Variants in CMTM6 observed in about 807,000 individuals in gnomAD.
CMTM6 encodes the protein CKLF-like MARVEL transmembrane domain-containing protein 6.
CMTM6 carries 5 observed loss-of-function variants against 13.6 expected under a neutral mutation model. The observed-to-expected ratio is 0.37, with a 90% CI of 0.19 to 0.77. The LOEUF (loss-of-function observed/expected upper bound fraction) is 0.77. CMTM6 is among the 30% of genes least tolerant of loss of function. CMTM6 has a pLI of 0.50. For missense variants in CMTM6, 196 were observed against 218.6 expected, an observed-to-expected ratio of 0.90 and a Z score of 0.65; for synonymous variants, 99 against 84.5, an observed-to-expected ratio of 1.17 and a Z score of -0.94.
chr3:32,492,906 C>T (rs908688208), intron 1 of CMTM6, among the ~76,000 whole-genome samples: 4 of 152,210 alleles, frequency 2.6e-5, no homozygotes, highest in African/African-American at 9.6e-5. Flanking sequence ...CTACTACTTC[C>T]AGACTGATGT....
intron 2 of CMTM6, among the ~76,000 whole-genome samples, chr3:32,490,396 G>A (rs1183827982): frequency 6.6e-6 from 1 of 152,002 alleles, no homozygotes; most frequent in African/African-American, 2.4e-5. Flanking sequence ...TTGAAACCCT[G>A]CAAACAAACA....
intron 1 of CMTM6, among the ~76,000 whole-genome samples, chr3:32,500,422 A>T (rs1697334692): frequency 6.6e-6 from 1 of 152,250 alleles, no homozygotes; most frequent in African/African-American, 2.4e-5. Flanking sequence ...AAAACAAACA[A>T]AGGAACAAAA....
chr3:32,502,340 C>T (rs1202425145), intron 1 of CMTM6, among the ~76,000 whole-genome samples: 2 of 152,234 alleles, frequency 1.3e-5, no homozygotes, highest in Non-Finnish European at 2.9e-5. Context: ...TGACTTGGGT[C>T]TCCGACGCAT....
At position 32,483,888 on chromosome 3, in the gene CMTM6, A is replaced by G; in HGVS notation, c.*72T>C. ...GTTTAAACAATTAACAAATTTTACA[A>G]GAGCTTCTGCCAGGGCTCAGGCACC... On this transcript the variant is annotated 3_prime_UTR_variant, in exon 4 of 4. Coordinates refer to ENST00000205636, the MANE Select transcript of CMTM6 (RefSeq NM_017801.3). The G allele has an allele frequency of 7.4e-7, 1 of 1,358,008 alleles. No homozygotes were observed. Among genetic ancestry groups the G allele is most frequent in the Non-Finnish European group, 9.6e-7 (1 of 1,037,812 alleles). 84.1% of individuals were successfully genotyped at this position (1,358,008 alleles called of 1,614,324 possible).
rs1051481249 is a variant in CMTM6, at chr3:32,481,902, A to G, written c.*2058T>C. 2.0e-5 allele frequency: 3 copies of G among 152,260 alleles called. No individual in the cohort carries two copies. The highest frequency in any genetic ancestry group is 7.2e-5 in the African/African-American group (3 of 41,480). 9.4% of individuals were successfully genotyped at this position (152,260 alleles called of 1,614,324 possible). On this transcript the variant is annotated 3_prime_UTR_variant, in exon 4 of 4. Coordinates refer to ENST00000205636, the MANE Select transcript of CMTM6 (RefSeq NM_017801.3). ...TCAGAACAAGCGGAGCTTAAGCTCAATGACAGTATGTTTTATATGACAGGC... is the reference window on the plus strand; with the variant it reads ...TCAGAACAAGCGGAGCTTAAGCTCAGTGACAGTATGTTTTATATGACAGGC...
intron 1 of CMTM6, among the ~76,000 whole-genome samples, chr3:32,500,553 T>C (rs3773775): frequency 0.14 from 20,706 of 152,236 alleles, 2,083 homozygotes; most frequent in African/African-American, 0.28. Flanking sequence ...CATAAAGAGA[T>C]ATTAGTTTTT....
At position 32,502,702 on chromosome 3, in the gene CMTM6, G is replaced by A. The variant is rs749653928; in HGVS notation, c.44C>T (p.Pro15Leu). 8.2e-6 allele frequency: 13 copies of A among 1,583,300 alleles called. No homozygotes were observed. The highest frequency in any genetic ancestry group is 8.0e-5 in the South Asian group (7 of 87,234). Residue 15 changes from proline to leucine, a missense_variant, in exon 1 of 4, where the codon CCG (proline) becomes CTG (leucine). This residue lies in a region of CMTM6 where 85 missense variants were observed against 58.7 expected (regional missense o/e 1.45). Coordinates refer to ENST00000205636, the MANE Select transcript of CMTM6 (RefSeq NM_017801.3). Reference sequence around the variant, plus strand: ...GCTCCGGGGGCCTCTGGCGGGGCCCGGGTCCTCCTCCGTAGTGGGGCTGTA... The same window carrying A: ...GCTCCGGGGGCCTCTGGCGGGGCCCAGGTCCTCCTCCGTAGTGGGGCTGTA... ...AVYSPTTEED[P>L]GPARGPRSGL...
At chr3:32,486,877 C>G (rs1697210122) in intron 3 of CMTM6, among the ~76,000 whole-genome samples, 1 of 152,182 alleles carries the variant, frequency 6.6e-6, no homozygotes, top group Non-Finnish European at 1.5e-5. Context: ...CCTCCCCACT[C>G]TCTCTATTCC....
chr3:32,501,324 AGAG>A (rs1697343009), intron 1 of CMTM6, among the ~76,000 whole-genome samples: 1 of 152,178 alleles, frequency 6.6e-6, no homozygotes, highest in Non-Finnish European at 1.5e-5. Context: ...ACAGCTGACA[AGAG>A]AAGAGAAGGA....
At position 32,484,524 on chromosome 3, in the gene CMTM6, CA is replaced by C. The variant is rs539774832; in HGVS notation, c.415-428del. Among the ~76,000 whole-genome samples the C allele has an allele frequency of 1.1e-4, 16 of 152,266 alleles. No homozygotes were observed. The East Asian group carries it at 2.9e-3, about 28-fold the overall frequency. On this transcript the variant is annotated intron_variant, in intron 3 of 3. Transcript: ENST00000205636. ...TGAAAATGAAAAAAGTTATTAATAT[CA>C]AAACAGAAATTCCATTTTGAAGATA...
intron 1 of CMTM6, among the ~76,000 whole-genome samples, chr3:32,497,748 C>T (rs900364740): frequency 6.6e-6 from 1 of 151,482 alleles, no homozygotes; most frequent in African/African-American, 2.4e-5. Context: ...GTCCCAGCTA[C>T]TCAGGAGGCT....
rs555525799 is a variant in CMTM6 at position 32,497,936 on chromosome 3, G to A, written c.138+4672C>T. Among the ~76,000 whole-genome samples, 4 of 151,522 alleles carry A rather than the reference G, an allele frequency of 2.6e-5. No homozygotes were observed. The South Asian group carries it at 6.2e-4, about 24-fold the overall frequency. On this transcript the variant is annotated intron_variant, in intron 1 of 3. Coordinates refer to ENST00000205636, the MANE Select transcript of CMTM6 (RefSeq NM_017801.3). The stretch of plus-strand genomic sequence containing the variant: ...GGTCACCAGCATTAAATGCCAAAGT[G>A]GTCAAAAATAGGAAGAGAGAAAAAA...
intron 1 of CMTM6, among the ~76,000 whole-genome samples, chr3:32,496,188 G>T (rs970467427): frequency 7.1e-6 from 1 of 140,012 alleles, no homozygotes; most frequent in Non-Finnish European, 1.5e-5. Flanking sequence ...GTGACAAAGC[G>T]AGACTATCTC....
intron 3 of CMTM6, among the ~76,000 whole-genome samples, chr3:32,485,995 A>G (rs778063731): frequency 1.3e-5 from 2 of 152,190 alleles, no homozygotes; most frequent in Non-Finnish European, 2.9e-5. Flanking sequence ...TTCCTGCCTC[A>G]GCCTCTCGAG....
intron 1 of CMTM6, among the ~76,000 whole-genome samples, chr3:32,497,121 C>T (rs1018868041): frequency 3.3e-5 from 5 of 152,094 alleles, no homozygotes; most frequent in South Asian, 2.1e-4. Context: ...CGGTGGCTCA[C>T]GCCTGTAATC....
At chr3:32,501,320 G>T (rs995643862) in intron 1 of CMTM6, among the ~76,000 whole-genome samples, 1 of 152,072 alleles carries the variant, frequency 6.6e-6, no homozygotes, top group African/African-American at 2.4e-5. Context: ...TGTGACAGCT[G>T]ACAAGAGAAG....
rs72858885 is a variant in CMTM6 at position 32,486,360 on chromosome 3, T to C, written c.414+1578A>G. On this transcript the variant is annotated intron_variant, in intron 3 of 3. Coordinates refer to ENST00000205636, the MANE Select transcript of CMTM6 (RefSeq NM_017801.3). ...TACATTAACTCAAGGTTTTCATGAT[T>C]CACTTGGCTCAAAATTGACACAAAG... Among the ~76,000 whole-genome samples, 478 of 152,316 alleles carry C rather than the reference T, an allele frequency of 3.1e-3. 2 individuals are homozygous for C. The highest frequency in any genetic ancestry group is 0.011 in the African/African-American group (460 of 41,570).
chr3:32,482,110 C>T lies in CMTM6; in HGVS notation c.*1850G>A, dbSNP rs1434125351. ...GAATCAGTCCTTATTCATAATTAGA[C>T]CCAAAACCCAGCTATTTCTCCTCTC... On this transcript the variant is annotated 3_prime_UTR_variant, in exon 4 of 4. Transcript: ENST00000205636. 1.3e-5 allele frequency: 2 copies of T among 152,170 alleles called. No individual in the cohort carries two copies. Among genetic ancestry groups the T allele is most frequent in the East Asian group, 1.9e-4 (1 of 5,200 alleles). 9.4% of individuals were successfully genotyped at this position (152,170 alleles called of 1,614,324 possible).
At chr3:32,484,194 T>C (rs1485161938) in intron 3 of CMTM6, 97 bp from the exon 4 acceptor site, 6 of 1,143,612 alleles carry the variant, frequency 5.2e-6, no homozygotes, top group Non-Finnish European at 7.1e-6. Flanking sequence ...AACAAGATGT[T>C]CATGAATTTT....
Sources: gnomAD v4.1 joint callset for allele counts (sites outside exome capture counted in the v4.1 genomes callset) on GRCh38, gnomAD v4.1.1 for gene constraint, gnomAD v4.1.1 regional missense constraint, MANE v1.5 for transcripts, NCBI Gene and HGNC (gene_info 2026-07-23, HGNC 2026-07-21) for gene names.